PECAM1: variants seen among roughly 807,000 people sequenced by gnomAD.
PECAM1 encodes platelet endothelial cell adhesion molecule.
Under a neutral mutation model 13.8 loss-of-function variants are expected in PECAM1, and 8 were observed. The observed-to-expected ratio is 0.58, with a 90% CI of 0.34 to 1.05. The LOEUF is 1.05. Ranked by LOEUF, PECAM1 falls within the 50% of genes least tolerant of loss-of-function variation. The pLI, the probability that PECAM1 is intolerant of heterozygous loss-of-function variation, is 0.03. For missense variants in PECAM1, 304 were observed against 141.2 expected (o/e 2.15, Z -5.84); for synonymous variants, 136 against 52.6 (o/e 2.58, Z -6.86).
rs1002271845 is a variant in PECAM1 at position 64,382,604 on chromosome 17, G to A, written c.92-4487C>T. On this transcript the variant is annotated intron_variant, in intron 2 of 15. Transcript: ENST00000563924. ...TATGTTGTCCAGGCTATTCTTAAACGCCTGGCCTCAAGCAATCATCCCGCC... is the reference window on the plus strand; with the variant it reads ...TATGTTGTCCAGGCTATTCTTAAACACCTGGCCTCAAGCAATCATCCCGCC... Among the ~76,000 whole-genome samples, 14 of 152,014 alleles carry A rather than the reference G, an allele frequency of 9.2e-5. No individual in the cohort carries two copies. The East Asian group carries it at 1.9e-3, about 21-fold the overall frequency.
chr17:64,366,479 T>C (rs2143832788), intron 5 of PECAM1, among the ~76,000 whole-genome samples: 1 of 150,840 alleles, frequency 6.6e-6, no homozygotes, highest in Admixed American at 6.7e-5. Flanking sequence ...ACTGGGTATA[T>C]ACCCAAAGGA....
intron 2 of PECAM1, among the ~76,000 whole-genome samples, chr17:64,389,482 T>C (rs8065316): frequency 0.42 from 64,132 of 152,014 alleles, 16,185 homozygotes; most frequent in Middle Eastern, 0.62. Flanking sequence ...ATTACAGATA[T>C]ACTTGTAGCC....
intron 14 of PECAM1, among the ~76,000 whole-genome samples, chr17:64,330,608 C>T (rs1446052948): frequency 1.3e-5 from 2 of 150,388 alleles, no homozygotes; most frequent in African/African-American, 4.9e-5. Flanking sequence ...TGCACTCCAG[C>T]CTGGGCGACA....
chr17:64,384,749 C>T (rs2143907572), intron 2 of PECAM1, among the ~76,000 whole-genome samples: 1 of 152,336 alleles, frequency 6.6e-6, no homozygotes, highest in South Asian at 2.1e-4. Flanking sequence ...TCAGCCACTC[C>T]TGCATTCCTG....
At chr17:64,358,308 G>A (rs1036896229) in intron 7 of PECAM1, among the ~76,000 whole-genome samples, 1 of 151,812 alleles carries the variant, frequency 6.6e-6, no homozygotes, top group Non-Finnish European at 1.5e-5. Flanking sequence ...TAGTAGAGAC[G>A]GGGTTTTGCC....
chr17:64,372,300 A>C (rs2036259422), intron 4 of PECAM1, among the ~76,000 whole-genome samples: 3 of 152,290 alleles, frequency 2.0e-5, no homozygotes, highest in Middle Eastern at 6.8e-3. Flanking sequence ...TGGGAAAACA[A>C]ACACTAGCAT....
chr17:64,340,103 G>A (rs2035387467), intron 14 of PECAM1, among the ~76,000 whole-genome samples: 1 of 152,176 alleles, frequency 6.6e-6, no homozygotes, highest in Non-Finnish European at 1.5e-5. Context: ...AGTCAGCTGA[G>A]ATGGCACTGC....
In PECAM1 at chr17:64,323,457, T is replaced by C; in HGVS notation, c.*359A>G. The C allele has an allele frequency of 2.5e-6, 3 of 1,199,140 alleles. No homozygotes were observed. The highest frequency in any genetic ancestry group is 3.1e-6 in the Non-Finnish European group (3 of 956,786). The allele number at this position is 1,199,140 out of a possible 1,614,324, so 74.3% of individuals were successfully genotyped here. The stretch of plus-strand genomic sequence containing the variant: ...GTATAAAAAAGAAAATTGGTTTCTG[T>C]GTATGAGGGTGCATGGAAAAGGTCT... On this transcript the variant is annotated 3_prime_UTR_variant, in exon 16 of 16. Transcript: ENST00000563924.
intron 14 of PECAM1, among the ~76,000 whole-genome samples, chr17:64,331,976 A>T (rs933702974): frequency 9.2e-5 from 14 of 152,222 alleles, no homozygotes; most frequent in African/African-American, 3.1e-4. Flanking sequence ...AAGCTCACAT[A>T]CAGTTCCTCC....
intron 5 of PECAM1, among the ~76,000 whole-genome samples, chr17:64,367,128 G>A (rs2036126886): frequency 6.6e-6 from 1 of 152,034 alleles, no homozygotes; most frequent in African/African-American, 2.4e-5. Context: ...ATTTATTGCA[G>A]GTTCTCTCTG....
intron 2 of PECAM1, among the ~76,000 whole-genome samples, chr17:64,387,323 T>G (rs2036616477): frequency 6.6e-6 from 1 of 151,430 alleles, no homozygotes; most frequent in African/African-American, 2.4e-5. Context: ...AGGCGAGGCG[T>G]GTCTGAGAGG....
Position 64,361,170 on chromosome 17 carries a change from G to A in PECAM1, c.1217-755C>T, listed in dbSNP as rs887416540. Reference sequence around the variant, plus strand: ...GTGTGTGTGTGTGTGTTCTGAGACCGAGTCTTGCTCTGTCACCCAGGCTGG... The same window carrying A: ...GTGTGTGTGTGTGTGTTCTGAGACCAAGTCTTGCTCTGTCACCCAGGCTGG... On this transcript the variant is annotated intron_variant, in intron 6 of 15. Coordinates refer to ENST00000563924, the MANE Select transcript of PECAM1 (RefSeq NM_000442.5). Among the ~76,000 whole-genome samples the A allele has an allele frequency of 1.5e-3, 179 of 121,664 alleles. 1 individual carries two copies. Among genetic ancestry groups the A allele is most frequent in the African/African-American group, 7.1e-3 (172 of 24,326 alleles). The allele number at this position is 121,664 out of a possible 152,430, so 79.8% of individuals were successfully genotyped here.
chr17:64,349,833 C>T (rs1230196056), intron 12 of PECAM1, among the ~76,000 whole-genome samples: 5 of 151,780 alleles, frequency 3.3e-5, no homozygotes, highest in Admixed American at 6.6e-5. Flanking sequence ...TGCAGTGAGC[C>T]GAGATCGCAC....
chr17:64,350,507 A>G (rs2035693530), intron 11 of PECAM1, 74 bp from the exon 12 acceptor site: 1 of 411,476 alleles, frequency 2.4e-6, no homozygotes. Flanking sequence ...AAAATTCAGT[A>G]CCCCTAACAA....
chr17:64,373,734 T>C (rs2036294203), intron 4 of PECAM1, among the ~76,000 whole-genome samples: 2 of 152,050 alleles, frequency 1.3e-5, no homozygotes, highest in Non-Finnish European at 1.5e-5. Flanking sequence ...TAATAGAACA[T>C]ACAGACACAC....
chr17:64,376,690 G>T (rs959298187), intron 3 of PECAM1, among the ~76,000 whole-genome samples: 26 of 152,078 alleles, frequency 1.7e-4, no homozygotes, highest in African/African-American at 6.3e-4. Flanking sequence ...TAGAATATTT[G>T]TGGACCGGGC....
At chr17:64,374,496 C>T (rs1035558712) in intron 4 of PECAM1, among the ~76,000 whole-genome samples, 1 of 147,208 alleles carries the variant, frequency 6.8e-6, no homozygotes, top group Admixed American at 6.8e-5. Flanking sequence ...CTCAAAAACA[C>T]ACACAAGGTT....
intron 14 of PECAM1, among the ~76,000 whole-genome samples, chr17:64,341,205 A>G (rs1167063476): frequency 6.6e-6 from 1 of 151,764 alleles, no homozygotes; most frequent in Non-Finnish European, 1.5e-5. Context: ...TGGAGGTTGC[A>G]GTGAGTCGAG....
rs782429577 is a variant in PECAM1 at position 64,323,816 on chromosome 17, C to CT, written c.2216dup (p.Ter739=). 2 of 879,874 alleles carry CT rather than the reference C, an allele frequency of 2.3e-6. No individual in the cohort carries two copies. Among genetic ancestry groups the CT allele is most frequent in the South Asian group, 2.6e-5 (2 of 76,420 alleles). 54.5% of individuals were successfully genotyped at this position (879,874 alleles called of 1,614,324 possible). The change falls in exon 16 of 16, where the codon TAG becomes TAAG. Residue 739 remains the stop codon, a frameshift_variant and stop_retained_variant. Coordinates refer to ENST00000563924, the MANE Select transcript of PECAM1 (RefSeq NM_000442.5). LOFTEE classifies it high-confidence loss of function. Reference sequence around the variant, plus strand: ...AGGGATGTGCATCTGGCCTTGCTGTCTAAGTTCCATCAAGGGAGCCTTCCG... The same window carrying CT: ...AGGGATGTGCATCTGGCCTTGCTGTCTTAAGTTCCATCAAGGGAGCCTTCCG... The part of the protein sequence containing the change: ...SRTEGSLDGT[*]
Sources: gnomAD v4.1 joint callset for allele counts (sites outside exome capture counted in the v4.1 genomes callset) on GRCh38, gnomAD v4.1.1 for gene constraint, MANE v1.5 for transcripts, NCBI Gene and HGNC (gene_info 2026-07-23, HGNC 2026-07-21) for gene names.